Variants in PACS1 observed in about 807,000 individuals in gnomAD.
PACS1 encodes the protein phosphofurin acidic cluster sorting protein 1, also known as PACS-1.
A neutral mutation model predicts 115.0 loss-of-function variants in PACS1; 24 were observed. That is an observed-to-expected ratio of 0.21 (90% confidence interval 0.15 to 0.29). The LOEUF is 0.29. PACS1 is among the 10% of genes least tolerant of loss of function. PACS1 has a pLI of 1.00. For synonymous variants in PACS1, 453 were observed against 504.5 expected, an observed-to-expected ratio of 0.90 and a Z score of 1.37; for missense variants, 838 against 1,251.2, an observed-to-expected ratio of 0.67 and a Z score of 4.98.
intron 1 of PACS1, among the ~76,000 whole-genome samples, chr11:66,148,446 T>C (rs1037985728): frequency 1.3e-5 from 2 of 152,200 alleles, no homozygotes; most frequent in African/African-American, 4.8e-5. Context: ...ATGCCTGGCC[T>C]GCCATTAAAA....
At chr11:66,196,666 C>T (rs1007007651) in intron 2 of PACS1, among the ~76,000 whole-genome samples, 4 of 152,066 alleles carry the variant, frequency 2.6e-5, no homozygotes, top group African/African-American at 7.2e-5. Context: ...GGCGTGATCT[C>T]GGCTCACTGC....
intron 1 of PACS1, among the ~76,000 whole-genome samples, chr11:66,152,840 C>G (rs1030928502): frequency 1.9e-4 from 29 of 152,132 alleles, no homozygotes; most frequent in Non-Finnish European, 8.8e-5. Flanking sequence ...GACACTGGAA[C>G]AGTATAGTCA....
intron 4 of PACS1, among the ~76,000 whole-genome samples, chr11:66,215,121 A>G (rs1351144525): frequency 6.6e-6 from 1 of 151,408 alleles, no homozygotes; most frequent in African/African-American, 2.4e-5. Flanking sequence ...TTTAGTAGAG[A>G]CGGGGTTTCA....
At chr11:66,202,726 G>GAAAAA (rs55677222) in intron 2 of PACS1, among the ~76,000 whole-genome samples, 3 of 10,952 alleles carry the variant, frequency 2.7e-4, no homozygotes, top group African/African-American at 4.8e-4. Context: ...TCATCTCTAG[G>GAAAAA]AAAAAAAAAA....
At chr11:66,107,318 C>G (rs986826186) in intron 1 of PACS1, among the ~76,000 whole-genome samples, 1 of 151,878 alleles carries the variant, frequency 6.6e-6, no homozygotes, top group African/African-American at 2.4e-5. Context: ...AGTGTTTGCT[C>G]ATGTGTCATC....
chr11:66,184,545 T>A (rs956175255), intron 1 of PACS1, among the ~76,000 whole-genome samples: 3 of 152,222 alleles, frequency 2.0e-5, no homozygotes, highest in African/African-American at 4.8e-5. Context: ...TATTTTGTTC[T>A]TTTCTGTACC....
In PACS1 at chr11:66,243,260, A is replaced by G. The variant is rs148608251; in HGVS notation, c.2872A>G (p.Ser958Gly). 2 of 1,602,334 alleles carry G rather than the reference A, an allele frequency of 1.2e-6. No individual in the cohort carries two copies. The highest frequency in any genetic ancestry group is 1.3e-5 in the African/African-American group (1 of 74,494). Reference protein sequence around the residue: ...HVKHFPVGLFSGSKAT With the variant: ...HVKHFPVGLFGGSKAT ...CAAGCACTTTCCAGTGGGACTCTTC[A>G]GTGGCAGCAAGGCCACCTGAGGCCC... The change falls in exon 24 of 24, where the codon AGT becomes GGT. Residue 958 changes from serine to glycine, a missense_variant. Physicochemically the swap from Ser to Gly is moderately conservative, Grantham distance 56. Coordinates refer to ENST00000320580, the MANE Select transcript of PACS1 (RefSeq NM_018026.4).
In PACS1 at chr11:66,070,555, CG is replaced by C; in HGVS notation, c.73del (p.Val25SerfsTer77). 1 of 1,419,762 alleles carries C rather than the reference CG, an allele frequency of 7.0e-7. No individual in the cohort carries two copies. 87.9% of individuals were successfully genotyped at this position (1,419,762 alleles called of 1,614,324 possible). A position where few individuals can be genotyped will look rare whatever the true frequency, so the allele number is the denominator to read the frequency against. On this transcript the variant is annotated frameshift_variant, in exon 1 of 24. Coordinates refer to ENST00000320580, the MANE Select transcript of PACS1 (RefSeq NM_018026.4). LOFTEE classifies it high-confidence loss of function. This position sits in a 1 kb window ranked among gnomAD's most constrained non-coding sequence, Gnocchi z 5.9. ...GGGGCGGCAGCGGCCAGCGGGGATC[CG>C]GGGTCGCCCAGTCCCCTCAGCAGCC... is the stretch of plus-strand genomic sequence containing the variant. ...AGGGSGQRGS[G>X]VAQSPQQPPP...
intron 1 of PACS1, among the ~76,000 whole-genome samples, chr11:66,169,566 A>ATTTTTTTT (rs59176258): frequency 4.3e-5 from 5 of 115,310 alleles, no homozygotes; most frequent in Non-Finnish European, 6.6e-5. Flanking sequence ...CGCCCGGCTA[A>ATTTTTTTT]TTTTTTTTTT....
At chr11:66,122,388 C>T (rs374866842) in intron 1 of PACS1, among the ~76,000 whole-genome samples, 1 of 152,162 alleles carries the variant, frequency 6.6e-6, no homozygotes, top group Admixed American at 6.5e-5. Flanking sequence ...GCCTGTTAAC[C>T]ACAACATCCA....
intron 1 of PACS1, among the ~76,000 whole-genome samples, chr11:66,085,805 G>A (rs1857556064): frequency 6.6e-6 from 1 of 152,136 alleles, no homozygotes; most frequent in South Asian, 2.1e-4. Context: ...GGAACATTAT[G>A]GTAATAAAAT....
intron 1 of PACS1, among the ~76,000 whole-genome samples, chr11:66,168,748 ATATATG>A (rs1469572848): frequency 1.4e-5 from 2 of 142,834 alleles, no homozygotes; most frequent in Non-Finnish European, 3.0e-5. Flanking sequence ...TAGTATATAT[ATATATG>A]TGTGTGTGTG....
intron 1 of PACS1, among the ~76,000 whole-genome samples, chr11:66,134,262 T>TTTC (rs1554980619): frequency 8.6e-6 from 1 of 116,762 alleles, no homozygotes; most frequent in Non-Finnish European, 1.8e-5. Flanking sequence ...TTCTTTTTTT[T>TTTC]TTTTTTTTTT....
intron 4 of PACS1, among the ~76,000 whole-genome samples, chr11:66,213,174 A>G (rs1855117610): frequency 6.6e-6 from 1 of 152,152 alleles, no homozygotes; most frequent in African/African-American, 2.4e-5. Flanking sequence ...TTTCTGTAGT[A>G]AGATAGTGCT....
At chr11:66,106,133 T>C (rs985706111) in intron 1 of PACS1, among the ~76,000 whole-genome samples, 3 of 152,132 alleles carry the variant, frequency 2.0e-5, no homozygotes, top group Non-Finnish European at 4.4e-5. Flanking sequence ...AGCCTGCCTT[T>C]AAAAATGTAG....
chr11:66,167,259 T>C (rs1466185799), intron 1 of PACS1, among the ~76,000 whole-genome samples: 1 of 150,156 alleles, frequency 6.7e-6, no homozygotes, highest in Non-Finnish European at 1.5e-5. Context: ...GTCTTTTTCT[T>C]ACTGACTTAT....
At chr11:66,109,849 G>T (rs1409980747) in intron 1 of PACS1, among the ~76,000 whole-genome samples, 2 of 152,158 alleles carry the variant, frequency 1.3e-5, no homozygotes, top group Non-Finnish European at 2.9e-5. Context: ...AGAGCCTACT[G>T]TTTGCCATTA....
At chr11:66,165,978 T>G (rs1859590923) in intron 1 of PACS1, among the ~76,000 whole-genome samples, 1 of 152,102 alleles carries the variant, frequency 6.6e-6, no homozygotes, top group Admixed American at 6.6e-5. Context: ...GTTTCCACTC[T>G]CCCCTTTCTT....
intron 1 of PACS1, among the ~76,000 whole-genome samples, chr11:66,074,735 G>A (rs1275216639): frequency 6.6e-6 from 1 of 152,010 alleles, no homozygotes; most frequent in African/African-American, 2.4e-5. Flanking sequence ...ATGGACAAAA[G>A]CGTTGGAATC....
Sources: allele counts gnomAD v4.1 joint callset (sites outside exome capture counted in the v4.1 genomes callset), GRCh38; gene constraint gnomAD v4.1.1; non-coding constraint Gnocchi (gnomAD v3.1); transcripts MANE v1.5; gene names NCBI Gene and HGNC (gene_info 2026-07-23, HGNC 2026-07-21).